TMBIM4: variants seen among roughly 807,000 people sequenced by gnomAD.
TMBIM4 encodes transmembrane BAX inhibitor motif containing 4, also known as protein lifeguard 4.
TMBIM4 carries 28 observed loss-of-function variants against 27.7 expected under a neutral mutation model. The ratio of observed to expected loss-of-function variants is 1.01; its 90% CI spans 0.75 to 1.38. The LOEUF (loss-of-function observed/expected upper bound fraction) is 1.38, where lower values mean the gene tolerates loss of function less well. Among genes scored for constraint, TMBIM4 ranks in the 40% most tolerant of loss-of-function variants. The probability of loss-of-function intolerance (pLI) is 0.00; values close to 1 mark genes in which losing one functional copy is unlikely to be tolerated. For synonymous variants in TMBIM4, 115 were observed against 113.1 expected (o/e 1.02, Z -0.11); for missense variants, 265 against 277.5 (o/e 0.95, Z 0.32).
At position 66,138,156 on chromosome 12, in the gene TMBIM4, T is replaced by TAAA. The variant is rs754390908; in HGVS notation, c.518_520dup (p.Phe173dup). 7.3e-7 allele frequency: 1 copy of TAAA among 1,379,270 alleles called. No homozygotes were observed. Among genetic ancestry groups the TAAA allele is most frequent in the South Asian group, 1.3e-5 (1 of 74,976 alleles). The allele number at this position is 1,379,270 out of a possible 1,614,324, so 85.4% of individuals were successfully genotyped here. A position where few individuals can be genotyped will look rare whatever the true frequency, so the allele number is the denominator to read the frequency against. ...TAAGACCAACTCCATTATCTCACTA[T>TAAA]AAAAAAAAAACTATAGGGAAGAGAT... On this transcript the variant is annotated inframe_insertion, in exon 7 of 7. Coordinates refer to ENST00000358230, the MANE Select transcript of TMBIM4 (RefSeq NM_016056.4).
At chr12:66,154,281 C>A (rs1040211749) in intron 1 of TMBIM4, among the ~76,000 whole-genome samples, 4 of 152,132 alleles carry the variant, frequency 2.6e-5, no homozygotes, top group Non-Finnish European at 5.9e-5. Context: ...TCCTGAGGAA[C>A]CCTAAACATA....
At chr12:66,138,853 A>G in intron 5 of TMBIM4, 84 bp from the exon 6 acceptor site, 1 of 1,367,234 alleles carries the variant, frequency 7.3e-7, no homozygotes, top group South Asian at 2.1e-5. Flanking sequence ...TCTGAAAAAA[A>G]CATCCATCTG....
chr12:66,162,499 T>G (rs1356827688), intron 1 of TMBIM4, among the ~76,000 whole-genome samples: 1 of 152,180 alleles, frequency 6.6e-6, no homozygotes, highest in Non-Finnish European at 1.5e-5. Context: ...AGTGATTATA[T>G]GTCATACCCA....
chr12:66,145,906 TG>T lies in TMBIM4; in HGVS notation c.398del (p.Thr133LysfsTer6). The part of the protein sequence containing the change: ...IILQAFILTT[T>X]VFFGLTVYTL... ...TATACACAGTCAAACCAAAAAATAC[TG>T]TAGTAGTCAGTATGAAAGCTTGCAG... On this transcript the variant is annotated frameshift_variant, in exon 5 of 7. Coordinates refer to ENST00000358230, the MANE Select transcript of TMBIM4 (RefSeq NM_016056.4). LOFTEE classifies it high-confidence loss of function. The T allele has an allele frequency of 6.2e-7, 1 of 1,608,030 alleles. No individual in the cohort carries two copies. The highest frequency in any genetic ancestry group is 8.5e-7 in the Non-Finnish European group (1 of 1,175,596).
chr12:66,155,851 C>T (rs942326604), intron 1 of TMBIM4, among the ~76,000 whole-genome samples: 3 of 152,204 alleles, frequency 2.0e-5, no homozygotes, highest in African/African-American at 7.2e-5. Flanking sequence ...GAATAATATA[C>T]ATCCAGGTGT....
intron 5 of TMBIM4, among the ~76,000 whole-genome samples, chr12:66,143,333 C>T (rs1178609880): frequency 6.6e-6 from 1 of 152,122 alleles, no homozygotes; most frequent in African/African-American, 2.4e-5. Flanking sequence ...AAATCCTACC[C>T]TCATCCCTCT....
At chr12:66,155,518 A>T (rs1331982349) in intron 1 of TMBIM4, among the ~76,000 whole-genome samples, 1 of 152,082 alleles carries the variant, frequency 6.6e-6, no homozygotes, top group Non-Finnish European at 1.5e-5. Context: ...TTTTTTGTAG[A>T]GATGGGGTTT....
chr12:66,138,691 A>G, intron 6 of TMBIM4, 33 bp downstream of exon 6: 1 of 1,499,240 alleles, frequency 6.7e-7, no homozygotes, highest in Middle Eastern at 1.7e-4. Flanking sequence ...AGCCAGAATT[A>G]TATTTCAAAT....
intron 1 of TMBIM4, among the ~76,000 whole-genome samples, chr12:66,163,010 AT>A (rs1289379004): frequency 2.6e-5 from 4 of 152,214 alleles, no homozygotes; most frequent in Admixed American, 6.5e-5. Context: ...TGTCCAAAAA[AT>A]ATTTTTATTT....
At chr12:66,146,379 A>C (rs2051752539) in intron 4 of TMBIM4, among the ~76,000 whole-genome samples, 2 of 152,184 alleles carry the variant, frequency 1.3e-5, no homozygotes, top group Non-Finnish European at 2.9e-5. Context: ...ATTCCTGGAC[A>C]GTAGCAGCAA....
intron 1 of TMBIM4, among the ~76,000 whole-genome samples, chr12:66,159,047 T>C (rs1422374006): frequency 1.3e-5 from 2 of 152,196 alleles, no homozygotes; most frequent in Non-Finnish European, 2.9e-5. Context: ...AATCTGCATA[T>C]AGAAGACAAA....
intron 1 of TMBIM4, among the ~76,000 whole-genome samples, chr12:66,164,455 AC>A (rs1435927051): frequency 6.6e-6 from 1 of 152,188 alleles, no homozygotes; most frequent in African/African-American, 2.4e-5. Flanking sequence ...GGTTGTTTTG[AC>A]CTAAGGACAG....
intron 3 of TMBIM4, among the ~76,000 whole-genome samples, chr12:66,148,424 T>G (rs887462754): frequency 1.3e-5 from 2 of 152,194 alleles, no homozygotes; most frequent in African/African-American, 4.8e-5. Flanking sequence ...CTGTTCAGAT[T>G]AAACTGCATT....
chr12:66,138,225 A>C, intron 6 of TMBIM4, 59 bp from the exon 7 acceptor site: 1 of 1,550,518 alleles, frequency 6.4e-7, no homozygotes, highest in Non-Finnish European at 8.7e-7. Context: ...AACAGGACTT[A>C]ACTTACTTCC....
In TMBIM4 at chr12:66,153,683, G is replaced by A. The variant is rs2051888922; in HGVS notation, c.98-235C>T. On this transcript the variant is annotated intron_variant, in intron 1 of 6. Coordinates refer to ENST00000358230, the MANE Select transcript of TMBIM4 (RefSeq NM_016056.4). ...AAGCATGAGCCTAAAAAAAATTAGT[G>A]GGCCAAAATGTAAATGTTTTCATCA... is the stretch of plus-strand genomic sequence containing the variant. Among the ~76,000 whole-genome samples the A allele has an allele frequency of 2.0e-5, 3 of 151,912 alleles. No homozygotes were observed. In the South Asian group the frequency reaches 6.2e-4, roughly 32 times the overall value.
At chr12:66,155,754 C>T (rs981250340) in intron 1 of TMBIM4, among the ~76,000 whole-genome samples, 1 of 152,154 alleles carries the variant, frequency 6.6e-6, no homozygotes, top group East Asian at 1.9e-4. Context: ...TTTTGTAAAA[C>T]TGATTTACAG....
chr12:66,166,793 G>T (rs555999862), intron 1 of TMBIM4, among the ~76,000 whole-genome samples: 2 of 152,274 alleles, frequency 1.3e-5, no homozygotes, highest in South Asian at 4.1e-4. Context: ...GTGCTGCTTG[G>T]TATTTACCCA....
At chr12:66,138,667 AT>A in intron 6 of TMBIM4, 56 bp downstream of exon 6, 1 of 1,336,676 alleles carries the variant, frequency 7.5e-7, no homozygotes, top group Non-Finnish European at 1.0e-6. Context: ...TTTTGAGGTT[AT>A]TTATATTGAC....
intron 4 of TMBIM4, among the ~76,000 whole-genome samples, chr12:66,147,330 T>C (rs2051767585): frequency 6.6e-6 from 1 of 152,170 alleles, no homozygotes; most frequent in Admixed American, 6.5e-5. Flanking sequence ...TTAACCATTT[T>C]GAGACAATCA....
Sources: allele counts gnomAD v4.1 joint callset (sites outside exome capture counted in the v4.1 genomes callset), GRCh38; gene constraint gnomAD v4.1.1; transcripts MANE v1.5; gene names NCBI Gene and HGNC (gene_info 2026-07-23, HGNC 2026-07-21).